Variants in GNAT3 observed in about 807,000 individuals in gnomAD.
GNAT3 encodes the protein guanine nucleotide-binding protein G(t) subunit alpha-3.
GNAT3 carries 31 observed loss-of-function variants against 37.7 expected under a neutral mutation model. That is an observed-to-expected ratio of 0.82 (90% CI 0.62 to 1.11). The LOEUF is 1.11. Among genes scored for constraint, GNAT3 ranks in the 50% most tolerant of loss-of-function variants. The pLI, the probability that GNAT3 is intolerant of heterozygous loss-of-function variation, is 0.00. For synonymous variants in GNAT3, 138 were observed against 139.8 expected, an observed-to-expected ratio of 0.99 and a Z score of 0.09; for missense variants, 437 against 412.5, an observed-to-expected ratio of 1.06 and a Z score of -0.51.
chr7:80,484,802 G>A (rs904527012), intron 3 of GNAT3, among the ~76,000 whole-genome samples: 4 of 151,992 alleles, frequency 2.6e-5, no homozygotes, highest in South Asian at 2.1e-4. Flanking sequence ...GAACAATCCC[G>A]ATTTAGCTGC....
intron 5 of GNAT3, among the ~76,000 whole-genome samples, chr7:80,468,257 C>T (rs1376379229): frequency 6.6e-6 from 1 of 151,638 alleles, no homozygotes; most frequent in Non-Finnish European, 1.5e-5. Context: ...AATATTGGAT[C>T]ACATGAGATT....
chr7:80,505,198 TAGA>T (rs1790911192), intron 1 of GNAT3, among the ~76,000 whole-genome samples: 2 of 152,002 alleles, frequency 1.3e-5, no homozygotes, highest in African/African-American at 4.8e-5. Context: ...TCAATTAAGG[TAGA>T]AGATTACGGA....
chr7:80,501,176 A>G lies in GNAT3; in HGVS notation c.119-6529T>C. Among the ~76,000 whole-genome samples the G allele has an allele frequency of 1.3e-5, 2 of 152,048 alleles. 1 individual carries two copies. Among genetic ancestry groups the G allele is most frequent in the East Asian group, 3.8e-4 (2 of 5,198 alleles). The stretch of plus-strand genomic sequence containing the variant: ...ACATTTTCTTTTGCCAAAAAAACAC[A>G]TTGTTTATTTTTCCCAAACTTTTTA... On this transcript the variant is annotated intron_variant, in intron 1 of 7. Coordinates refer to ENST00000398291, the MANE Select transcript of GNAT3 (RefSeq NM_001102386.3).
intron 1 of GNAT3, among the ~76,000 whole-genome samples, chr7:80,495,558 C>T (rs553166982): frequency 6.6e-6 from 1 of 152,164 alleles, no homozygotes; most frequent in Non-Finnish European, 1.5e-5. Flanking sequence ...CGACCTCCAC[C>T]TCCTGGGTTC....
chr7:80,464,991 G>T (rs1195837875), intron 5 of GNAT3, among the ~76,000 whole-genome samples: 1 of 151,958 alleles, frequency 6.6e-6, no homozygotes, highest in Non-Finnish European at 1.5e-5. Context: ...GCAGTTTCAG[G>T]CTTGCAAAAT....
chr7:80,508,594 G>A (rs1403161634), intron 1 of GNAT3, among the ~76,000 whole-genome samples: 1 of 151,972 alleles, frequency 6.6e-6, no homozygotes, highest in African/African-American at 2.4e-5. Flanking sequence ...AATGTGCTCA[G>A]CAATGTATGA....
At chr7:80,486,793 G>A (rs1440168256) in intron 3 of GNAT3, among the ~76,000 whole-genome samples, 1 of 151,852 alleles carries the variant, frequency 6.6e-6, no homozygotes, top group African/African-American at 2.4e-5. Flanking sequence ...AGTATTTAGT[G>A]ATCAGAGCGT....
intron 1 of GNAT3, among the ~76,000 whole-genome samples, chr7:80,505,583 G>A (rs7777060): frequency 0.059 from 9,016 of 152,108 alleles, 932 homozygotes; most frequent in African/African-American, 0.21. Flanking sequence ...AGCCAGGATG[G>A]TCTCGATCTC....
intron 4 of GNAT3, among the ~76,000 whole-genome samples, chr7:80,478,045 G>A (rs1790334349): frequency 6.6e-6 from 1 of 152,124 alleles, no homozygotes; most frequent in Admixed American, 6.6e-5. Context: ...CAAGTAGCTG[G>A]GACTACAGGC....
chr7:80,479,015 G>C lies in GNAT3; in HGVS notation c.304-17C>G. 6.4e-7 allele frequency: 1 copy of C among 1,557,368 alleles called. No individual in the cohort carries two copies. Among genetic ancestry groups the C allele is most frequent in the Non-Finnish European group, 8.7e-7 (1 of 1,147,438 alleles). On this transcript the variant is annotated splice_polypyrimidine_tract_variant and intron_variant, in intron 3 of 7. Transcript: ENST00000398291. Reference sequence around the variant, plus strand: ...TTGGTCCTCCTAGAACAATATTTTGGTGAGAATAAGTATGTATTATTTGGA... The same window carrying C: ...TTGGTCCTCCTAGAACAATATTTTGCTGAGAATAAGTATGTATTATTTGGA...
At chr7:80,508,386 A>T (rs920003259) in intron 1 of GNAT3, among the ~76,000 whole-genome samples, 2 of 152,046 alleles carry the variant, frequency 1.3e-5, no homozygotes, top group Non-Finnish European at 2.9e-5. Context: ...TGAGTTTACA[A>T]TTAAATAATA....
chr7:80,468,416 T>C (rs1486886585), intron 5 of GNAT3, among the ~76,000 whole-genome samples: 1 of 152,160 alleles, frequency 6.6e-6, no homozygotes, highest in Admixed American at 6.6e-5. Flanking sequence ...TATAAGCATG[T>C]ACTTATCTTT....
Position 80,458,760 on chromosome 7 carries a change from C to T in GNAT3, c.976G>A (p.Ala326Thr), listed in dbSNP as rs1282696553. The change falls in exon 8 of 8, where the codon GCT (alanine) becomes ACT (threonine). Residue 326 changes from alanine to threonine, a missense_variant. By Grantham distance (58) the Ala-to-Thr change is moderately conservative. Transcript: ENST00000398291. ...DKEIYSHMTCATDTQNVKFVF... is the reference protein window; with the variant it reads ...DKEIYSHMTCTTDTQNVKFVF... ...AACTTGACATTTTGGGTGTCAGTAGCACAGGTCATGTGGGAATAAATTTCC... is the reference window on the plus strand; with the variant it reads ...AACTTGACATTTTGGGTGTCAGTAGTACAGGTCATGTGGGAATAAATTTCC... 5.0e-6 allele frequency: 8 copies of T among 1,599,290 alleles called. No homozygotes were observed. The highest frequency in any genetic ancestry group is 1.7e-5 in the Admixed American group (1 of 58,428).
chr7:80,511,460 A>G (rs1224340311), intron 1 of GNAT3, among the ~76,000 whole-genome samples: 1 of 152,102 alleles, frequency 6.6e-6, no homozygotes, highest in Non-Finnish European at 1.5e-5. Flanking sequence ...ACTTGTAGCT[A>G]AAGGATTTCT....
At chr7:80,498,257 T>C (rs1790770457) in intron 1 of GNAT3, among the ~76,000 whole-genome samples, 2 of 152,142 alleles carry the variant, frequency 1.3e-5, no homozygotes, top group African/African-American at 2.4e-5. Context: ...GGGTATGTTA[T>C]TGTATAACAA....
chr7:80,507,898 C>A (rs1790980239), intron 1 of GNAT3, among the ~76,000 whole-genome samples: 1 of 151,784 alleles, frequency 6.6e-6, no homozygotes, highest in Non-Finnish European at 1.5e-5. Context: ...AATATATTAC[C>A]TTCGAAGTAG....
intron 4 of GNAT3, 69 bp downstream of exon 4, chr7:80,478,772 G>T: frequency 6.9e-7 from 1 of 1,439,972 alleles, no homozygotes; most frequent in Admixed American, 1.9e-5. Flanking sequence ...CAAATGCAAA[G>T]TATGCAGAAT....
chr7:80,459,344 C>T (rs775377861), intron 7 of GNAT3, among the ~76,000 whole-genome samples: 7 of 151,930 alleles, frequency 4.6e-5, no homozygotes, highest in African/African-American at 7.3e-5. Context: ...AGGGTAGGGT[C>T]GGGAAACAGA....
chr7:80,470,498 G>A (rs1790196154), intron 5 of GNAT3, among the ~76,000 whole-genome samples: 1 of 152,208 alleles, frequency 6.6e-6, no homozygotes, highest in African/African-American at 2.4e-5. Flanking sequence ...TGGGATTACA[G>A]GTGTGAGCCA....
Sources: gnomAD v4.1 joint callset for allele counts (sites outside exome capture counted in the v4.1 genomes callset) on GRCh38, gnomAD v4.1.1 for gene constraint, MANE v1.5 for transcripts, NCBI Gene and HGNC (gene_info 2026-07-23, HGNC 2026-07-21) for gene names.